GHSR: variants seen among roughly 807,000 people sequenced by gnomAD.
GHSR encodes growth hormone secretagogue receptor, also known as growth hormone secretagogue receptor type 1.
In GHSR, 17 loss-of-function variants were observed where a neutral mutation model predicts 24.0. The observed-to-expected ratio is 0.71, with a 90% CI of 0.49 to 1.06. The LOEUF is 1.06. Ranked by LOEUF, GHSR falls within the 50% of genes least tolerant of loss-of-function variation. The pLI is 0.00. For missense variants in GHSR, 504 were observed against 483.1 expected, an observed-to-expected ratio of 1.04 and a Z score of -0.41; for synonymous variants, 238 against 208.1, an observed-to-expected ratio of 1.14 and a Z score of -1.24.
chr3:172,445,565 T>C (rs1737440808), intron 1 of GHSR, 100 bp from the exon 2 acceptor site: 9 of 1,207,646 alleles, frequency 7.5e-6, no homozygotes, highest in African/African-American at 3.0e-5. Context: ...TCTATGACCA[T>C]TGACTTCAGA....
intron 1 of GHSR, among the ~76,000 whole-genome samples, chr3:172,445,839 C>T (rs1391586147): frequency 6.6e-6 from 1 of 152,160 alleles, no homozygotes; most frequent in Non-Finnish European, 1.5e-5. Context: ...ATCCGAGTCT[C>T]CTGGGGCACT....
In GHSR at chr3:172,448,308, G is replaced by C; in HGVS notation, c.106C>G (p.Gln36Glu). 6.2e-7 allele frequency: 1 copy of C among 1,610,644 alleles called. No individual in the cohort carries two copies. The highest frequency in any genetic ancestry group is 8.5e-7 in the Non-Finnish European group (1 of 1,179,840). ...GCCAGCAGCGGCGCGGGGAAGAGCTGCAGCAGCTCGTCGCCCAGCGAGTCG... is the reference window on the plus strand; with the variant it reads ...GCCAGCAGCGGCGCGGGGAAGAGCTCCAGCAGCTCGTCGCCCAGCGAGTCG... ...GNDSLGDELL[Q>E]LFPAPLLAGV... Residue 36 changes from glutamine (Q) to glutamate (E), a missense_variant, in exon 1 of 2, where the codon CAG becomes GAG. By Grantham distance (29) the Gln-to-Glu change is conservative. Coordinates refer to ENST00000241256, the MANE Select transcript of GHSR (RefSeq NM_198407.2). This position sits in a 1 kb window ranked among gnomAD's most constrained non-coding sequence, Gnocchi z 4.8.
In GHSR at chr3:172,444,637, GA is replaced by G. The variant is rs994508112; in HGVS notation, c.*523del. On this transcript the variant is annotated 3_prime_UTR_variant, in exon 2 of 2. Transcript: ENST00000241256. Reference sequence around the variant, plus strand: ...ATGCCAGATTTCAAAGACTTAGTGTGAAAAAAAAGAATGTAAATTCCTTTTT... The same window carrying G: ...ATGCCAGATTTCAAAGACTTAGTGTGAAAAAAAGAATGTAAATTCCTTTTT... 6.6e-6 allele frequency among the ~76,000 whole-genome samples: 1 copy of G among 151,826 alleles called. No individual in the cohort carries two copies. The highest frequency in any genetic ancestry group is 1.5e-5 in the Non-Finnish European group (1 of 67,940).
intron 1 of GHSR, chr3:172,447,395 AG>A: frequency 2.1e-6 from 2 of 948,920 alleles, no homozygotes; most frequent in Non-Finnish European, 3.0e-6. Flanking sequence ...GAGGAGAGAG[AG>A]AGACAGAGAC....
Position 172,448,314 on chromosome 3 carries a change from G to T in GHSR, c.100C>A (p.Leu34Met). Residue 34 changes from leucine (L) to methionine (M), a missense_variant, in exon 1 of 2, where the codon CTG becomes ATG. Transcript: ENST00000241256. This position sits in a 1 kb window ranked among gnomAD's most constrained non-coding sequence, Gnocchi z 4.8. The stretch of plus-strand genomic sequence containing the variant: ...AGCGGCGCGGGGAAGAGCTGCAGCA[G>T]CTCGTCGCCCAGCGAGTCGTTGCCG... ...SPGNDSLGDE[L>M]LQLFPAPLLA... The T allele has an allele frequency of 6.2e-7, 1 of 1,609,832 alleles. No individual in the cohort carries two copies. Among genetic ancestry groups the T allele is most frequent in the Non-Finnish European group, 8.5e-7 (1 of 1,179,822 alleles).
Position 172,444,402 on chromosome 3 carries a change from G to A in GHSR, c.*759C>T, listed in dbSNP as rs1737411101. On this transcript the variant is annotated 3_prime_UTR_variant, in exon 2 of 2. Coordinates refer to ENST00000241256, the MANE Select transcript of GHSR (RefSeq NM_198407.2). ...ACTGGATACTTGAAATGTGACTAGT[G>A]CAACTGAAGAACTGAATTTTTAACT... Among the ~76,000 whole-genome samples, 1 of 152,126 alleles carries A rather than the reference G, an allele frequency of 6.6e-6. No individual in the cohort carries two copies. The highest frequency in any genetic ancestry group is 1.9e-4 in the East Asian group (1 of 5,200).
chr3:172,447,165 T>G (rs1215538307), intron 1 of GHSR, among the ~76,000 whole-genome samples: 2 of 152,244 alleles, frequency 1.3e-5, no homozygotes, highest in Non-Finnish European at 2.9e-5. Flanking sequence ...AAATCCTACT[T>G]GAGGCAGGAA....
Position 172,443,774 on chromosome 3 carries a change from G to C in GHSR, c.*1387C>G, listed in dbSNP as rs1379823584. On this transcript the variant is annotated 3_prime_UTR_variant, in exon 2 of 2. Coordinates refer to ENST00000241256, the MANE Select transcript of GHSR (RefSeq NM_198407.2). ...ATTAGAATTAAGAGAGGGTCTGGAA[G>C]TCCAAGTAATCATATCTATCAGATA... Among the ~76,000 whole-genome samples the C allele has an allele frequency of 1.3e-5, 2 of 152,172 alleles. No individual in the cohort carries two copies. Among genetic ancestry groups the C allele is most frequent in the East Asian group, 3.8e-4 (2 of 5,198 alleles).
At position 172,445,192 on chromosome 3, in the gene GHSR, C is replaced by T. The variant is rs202112906; in HGVS notation, c.1070G>A (p.Arg357Gln). The T allele has an allele frequency of 2.1e-4, 343 of 1,614,066 alleles. No homozygotes were observed. The East Asian group carries it at 3.7e-3, about 17-fold the overall frequency. Reference sequence around the variant, plus strand: ...ATTAATACTAGATTCTGTCCAGGCCCGAGAACTTTCATCTTTCAGAGTGGA... The same window carrying T: ...ATTAATACTAGATTCTGTCCAGGCCTGAGAACTTTCATCTTTCAGAGTGGA... ...KLSTLKDESS[R>Q]AWTESSINT The change falls in exon 2 of 2, where the codon CGG (arginine) becomes CAG (glutamine). Residue 357 changes from arginine (R) to glutamine (Q), a missense_variant. Transcript: ENST00000241256.
Position 172,448,134 on chromosome 3 carries a change from G to C in GHSR, c.280C>G (p.Leu94Val). 1 of 1,614,256 alleles carries C rather than the reference G, an allele frequency of 6.2e-7. No individual in the cohort carries two copies. The highest frequency in any genetic ancestry group is 8.5e-7 in the Non-Finnish European group (1 of 1,180,054). ...CGAACGAGGTCCAGGGGCATGCAGAGGAAGATGAGCAGATCGGAGAAGGCC... is the reference window on the plus strand; with the variant it reads ...CGAACGAGGTCCAGGGGCATGCAGACGAAGATGAGCAGATCGGAGAAGGCC... ...SMAFSDLLIFLCMPLDLVRLW... is the reference protein window; with the variant it reads ...SMAFSDLLIFVCMPLDLVRLW... Residue 94 changes from leucine (L) to valine (V), a missense_variant, in exon 1 of 2, where the codon CTC (leucine) becomes GTC (valine). Coordinates refer to ENST00000241256, the MANE Select transcript of GHSR (RefSeq NM_198407.2). The surrounding 1 kb of genome is among the most constrained non-coding windows in gnomAD (Gnocchi z 4.8).
Position 172,448,087 on chromosome 3 carries a change from C to T in GHSR, c.327G>A (p.Trp109Ter), listed in dbSNP as rs1737524057. ...GTTTGCAGAGGAGGTCGCCGAAGTT[C>T]CAGGGCCGGTACTGCCAGAGGCGAA... ...DLVRLWQYRP[W>*]NFGDLLCKLF... is the part of the protein sequence containing the mutation. Residue 109 changes from tryptophan (W) to a stop codon, truncating the protein, a stop_gained, in exon 1 of 2, where the codon TGG (tryptophan) becomes TGA (stop). Coordinates refer to ENST00000241256, the MANE Select transcript of GHSR (RefSeq NM_198407.2). LOFTEE classifies it high-confidence loss of function. This position sits in a 1 kb window ranked among gnomAD's most constrained non-coding sequence, Gnocchi z 4.8. The T allele has an allele frequency of 6.2e-7, 1 of 1,614,210 alleles. No individual in the cohort carries two copies. The highest frequency in any genetic ancestry group is 8.5e-7 in the Non-Finnish European group (1 of 1,180,042).
rs1253950666 is a variant in GHSR at position 172,444,694 on chromosome 3, T to C, written c.*467A>G. On this transcript the variant is annotated 3_prime_UTR_variant, in exon 2 of 2. Coordinates refer to ENST00000241256, the MANE Select transcript of GHSR (RefSeq NM_198407.2). ...TTTTTGTACTGATTGCTCACGTGCC[T>C]CATGTTATATTTCTCTTGGATAGCA... Among the ~76,000 whole-genome samples, 1 of 152,244 alleles carries C rather than the reference T, an allele frequency of 6.6e-6. No homozygotes were observed. The highest frequency in any genetic ancestry group is 1.5e-5 in the Non-Finnish European group (1 of 68,036).
In GHSR at chr3:172,448,178, T is replaced by C. The variant is rs779668138; in HGVS notation, c.236A>G (p.Asn79Ser). 6.2e-7 allele frequency: 1 copy of C among 1,614,002 alleles called. No individual in the cohort carries two copies. Among genetic ancestry groups the C allele is most frequent in the Non-Finnish European group, 8.5e-7 (1 of 1,179,970 alleles). The change falls in exon 1 of 2, where the codon AAC (asparagine) becomes AGC (serine). Residue 79 changes from asparagine to serine, a missense_variant. Asn to Ser is a conservative substitution (Grantham distance 46). Transcript: ENST00000241256. This position sits in a 1 kb window ranked among gnomAD's most constrained non-coding sequence, Gnocchi z 4.8. ...SRFRELRTTT[N>S]LYLSSMAFSD... is the part of the protein sequence containing the mutation. The stretch of plus-strand genomic sequence containing the variant: ...GAAGGCCATGCTGGACAGGTAGAGG[T>C]TGGTGGTGGTGCGCAGCTCGCGGAA...
chr3:172,445,562 C>T (rs1230888868), intron 1 of GHSR, 97 bp from the exon 2 acceptor site: 3 of 1,223,160 alleles, frequency 2.5e-6, no homozygotes, highest in Non-Finnish European at 3.5e-6. Flanking sequence ...TGGTCTATGA[C>T]CATTGACTTC....
Position 172,445,414 on chromosome 3 carries a change from C to T in GHSR, c.848G>A (p.Arg283Gln), listed in dbSNP as rs1281031743. Residue 283 changes from arginine (R) to glutamine (Q), a missense_variant, in exon 2 of 2, where the codon CGA (arginine) becomes CAA (glutamine). By Grantham distance (43) the Arg-to-Gln change is conservative (BLOSUM62 1). Transcript: ENST00000241256. ...ILCWLPFHVG[R>Q]YLFSKSFEPG... The stretch of plus-strand genomic sequence containing the variant: ...CTCAAAGGATTTGGAAAATAAATAT[C>T]GCCCTACGTGGAAGGGGAGCCAGCA... 3 of 1,613,946 alleles carry T rather than the reference C, an allele frequency of 1.9e-6. No individual in the cohort carries two copies. Among genetic ancestry groups the T allele is most frequent in the South Asian group, 1.1e-5 (1 of 91,062 alleles).
At position 172,445,082 on chromosome 3, in the gene GHSR, C is replaced by T. The variant is rs1312789992; in HGVS notation, c.*79G>A. 4 of 1,513,688 alleles carry T rather than the reference C, an allele frequency of 2.6e-6. No individual in the cohort carries two copies. The African/African-American group carries it at 4.1e-5, about 16-fold the overall frequency. 93.8% of individuals were successfully genotyped at this position (1,513,688 alleles called of 1,614,324 possible). On this transcript the variant is annotated 3_prime_UTR_variant, in exon 2 of 2. Coordinates refer to ENST00000241256, the MANE Select transcript of GHSR (RefSeq NM_198407.2). ...TGTTCCTAATTCCAAAATTAACCTT[C>T]AGCTTCCTCCCAAGTTCTGCTGTGC...
chr3:172,447,821 C>G lies in GHSR; in HGVS notation c.593G>C (p.Cys198Ser). ...NGTDPWDTNE[C>S]RPTEFAVRSG... ...GCGCACCGCAAACTCGGTGGGGCGG[C>G]ACTCGTTGGTGTCCCAAGGGTCGGT... The change falls in exon 1 of 2, where the codon TGC becomes TCC. Residue 198 changes from cysteine (C) to serine (S), a missense_variant. Physicochemically the swap from Cys to Ser is moderately radical, Grantham distance 112. Transcript: ENST00000241256. 1 of 1,613,980 alleles carries G rather than the reference C, an allele frequency of 6.2e-7. No individual in the cohort carries two copies. The highest frequency in any genetic ancestry group is 1.1e-5 in the South Asian group (1 of 91,086).
At position 172,444,365 on chromosome 3, in the gene GHSR, T is replaced by A. The variant is rs58550930; in HGVS notation, c.*796A>T. Among the ~76,000 whole-genome samples, 5,941 of 152,316 alleles carry A rather than the reference T, an allele frequency of 0.039. 193 individuals are homozygous for A. The highest frequency in any genetic ancestry group is 0.078 in the African/African-American group (3,229 of 41,568). On this transcript the variant is annotated 3_prime_UTR_variant, in exon 2 of 2. Transcript: ENST00000241256. ...TCTAGAGCTGTACTGTTCTGAGTGG[T>A]AACCTCGAGCTACTGGATACTTGAA...
chr3:172,444,088 T>C lies in GHSR; in HGVS notation c.*1073A>G, dbSNP rs1370544333. Among the ~76,000 whole-genome samples the C allele has an allele frequency of 2.0e-5, 3 of 152,190 alleles. No homozygotes were observed. The highest frequency in any genetic ancestry group is 2.9e-5 in the Non-Finnish European group (2 of 68,014). On this transcript the variant is annotated 3_prime_UTR_variant, in exon 2 of 2. Transcript: ENST00000241256. ...TTAAGCCATATGAGGCAGTTTGTGA[T>C]TACCCATAATTGTTTTAAAAAGTTT...
Sources: gnomAD v4.1 joint callset for allele counts (sites outside exome capture counted in the v4.1 genomes callset) on GRCh38, gnomAD v4.1.1 for gene constraint, Gnocchi (gnomAD v3.1) non-coding constraint, MANE v1.5 for transcripts, NCBI Gene and HGNC (gene_info 2026-07-23, HGNC 2026-07-21) for gene names.